SDK1: variants seen among roughly 807,000 people sequenced by gnomAD.
SDK1 encodes the protein protein sidekick-1.
In SDK1, 157 loss-of-function variants were observed where a neutral mutation model predicts 245.5. The ratio of observed to expected loss-of-function variants is 0.64; its 90% confidence interval spans 0.56 to 0.73. The LOEUF is 0.73. Ranked by LOEUF, SDK1 falls within the 30% of genes least tolerant of loss-of-function variation. The pLI is 0.00. For synonymous variants in SDK1, 1,647 were observed against 1,278.5 expected (o/e 1.29, Z -6.15); for missense variants, 3,583 against 3,002.3 (o/e 1.19, Z -4.52).
intron 5 of SDK1, among the ~76,000 whole-genome samples, chr7:3,843,299 C>T (rs1332924556): frequency 6.6e-6 from 1 of 152,214 alleles, no homozygotes; most frequent in Non-Finnish European, 1.5e-5. Flanking sequence ...ATGGCTTTGT[C>T]TATGTGAGTG....
rs73673250 is a variant in SDK1, at chr7:4,024,779, T to A, written c.2602+7427T>A. 5.6e-3 allele frequency among the ~76,000 whole-genome samples: 858 copies of A among 152,348 alleles called. 5 individuals are homozygous for A. The highest frequency in any genetic ancestry group is 0.019 in the African/African-American group (809 of 41,584). The stretch of plus-strand genomic sequence containing the variant: ...GAGCCGAAACTTAAGTCTGCTGGGC[T>A]CCCAAGCCCAGGCTATCATCTGCCA... On this transcript the variant is annotated intron_variant, in intron 17 of 44. Coordinates refer to ENST00000404826, the MANE Select transcript of SDK1 (RefSeq NM_152744.4).
intron 1 of SDK1, among the ~76,000 whole-genome samples, chr7:3,373,797 ATTCAGTGTACAAAC>A (rs1310752783): frequency 6.6e-6 from 1 of 152,204 alleles, no homozygotes. Context: ...TTGTTCACAA[ATTCAGTGTACAAAC>A]TTCAGTAGCT....
intron 1 of SDK1, among the ~76,000 whole-genome samples, chr7:3,460,831 C>G (rs533359171): frequency 6.6e-6 from 1 of 152,246 alleles, no homozygotes; most frequent in South Asian, 2.1e-4. Flanking sequence ...TTAGGTTATT[C>G]ATATTTCCTG....
chr7:3,465,374 A>G (rs1163596515), intron 1 of SDK1, among the ~76,000 whole-genome samples: 1 of 152,236 alleles, frequency 6.6e-6, no homozygotes, highest in Non-Finnish European at 1.5e-5. Context: ...AAAAATGAGA[A>G]GAAATAGGCA....
In SDK1 at chr7:3,341,083, T is replaced by C. The variant is rs548372520; in HGVS notation, c.298+39199T>C. On this transcript the variant is annotated intron_variant, in intron 1 of 44. Coordinates refer to ENST00000404826, the MANE Select transcript of SDK1 (RefSeq NM_152744.4). ...AGACAGCAAAAAAGAAACTCCACAG[T>C]TCAGTATCGCTCATGAACTTAAAGG... Among the ~76,000 whole-genome samples, 15 of 152,204 alleles carry C rather than the reference T, an allele frequency of 9.9e-5. No individual in the cohort carries two copies. The South Asian group carries it at 2.3e-3, about 23-fold the overall frequency.
intron 1 of SDK1, among the ~76,000 whole-genome samples, chr7:3,498,131 A>G (rs1782082064): frequency 6.6e-6 from 1 of 152,220 alleles, no homozygotes; most frequent in East Asian, 1.9e-4. Flanking sequence ...CTTAAAACTA[A>G]TTTGGGCCTC....
At chr7:3,438,808 A>C (rs146135074) in intron 1 of SDK1, among the ~76,000 whole-genome samples, 276 of 148,996 alleles carry the variant, frequency 1.9e-3, no homozygotes, top group Non-Finnish European at 3.5e-3. Flanking sequence ...ACTAAGTTCC[A>C]TCATTGGCAG....
At chr7:4,017,761 GT>G (rs1786532932) in intron 17 of SDK1, among the ~76,000 whole-genome samples, 1 of 152,168 alleles carries the variant, frequency 6.6e-6, no homozygotes, top group Non-Finnish European at 1.5e-5. Flanking sequence ...TTTTAACGAC[GT>G]AACGTGATTA....
intron 5 of SDK1, among the ~76,000 whole-genome samples, chr7:3,907,763 T>A (rs1254899932): frequency 1.3e-5 from 2 of 152,140 alleles, no homozygotes; most frequent in Non-Finnish European, 2.9e-5. Flanking sequence ...CCCTCATCTG[T>A]TTAGGTTAAC....
intron 1 of SDK1, among the ~76,000 whole-genome samples, chr7:3,330,054 G>A (rs1054433101): frequency 6.6e-6 from 1 of 152,166 alleles, no homozygotes. Flanking sequence ...TGGCTAAATA[G>A]TATTTCATTG....
At position 3,301,904 on chromosome 7, in the gene SDK1, C is replaced by T. The variant is rs1779274839; in HGVS notation, c.298+20C>T. ...CGCAAGGTAGGTGCGCGCGGGGTCG[C>T]GGGCCGGGGGCGTCGCCTCGGGGCG... On this transcript the variant is annotated intron_variant, in intron 1 of 44. Transcript: ENST00000404826. 5 of 1,133,634 alleles carry T rather than the reference C, an allele frequency of 4.4e-6. No individual in the cohort carries two copies. Among genetic ancestry groups the T allele is most frequent in the Non-Finnish European group, 3.2e-6 (3 of 924,888 alleles). The allele number at this position is 1,133,634 out of a possible 1,614,324, so 70.2% of individuals were successfully genotyped here.
At chr7:3,309,974 C>T (rs1267021871) in intron 1 of SDK1, among the ~76,000 whole-genome samples, 4 of 152,100 alleles carry the variant, frequency 2.6e-5, no homozygotes, top group Non-Finnish European at 4.4e-5. Context: ...TGTAGGAGTC[C>T]TGGGGTATCA....
At chr7:4,112,203 G>A (rs369819208) in intron 23 of SDK1, among the ~76,000 whole-genome samples, 1 of 152,170 alleles carries the variant, frequency 6.6e-6, no homozygotes, top group African/African-American at 2.4e-5. Flanking sequence ...AGGCAGGAAA[G>A]CTTGAAGCAA....
At chr7:3,819,111 C>G (rs1328186173) in intron 4 of SDK1, among the ~76,000 whole-genome samples, 1 of 152,116 alleles carries the variant, frequency 6.6e-6, no homozygotes, top group Non-Finnish European at 1.5e-5. Flanking sequence ...AAGTCAGTCT[C>G]TTGTAGAAAT....
intron 14 of SDK1, among the ~76,000 whole-genome samples, chr7:3,995,064 G>GGGGATTCTAGGCA (rs1226247119): frequency 6.6e-6 from 1 of 152,160 alleles, no homozygotes; most frequent in African/African-American, 2.4e-5. Context: ...TCCCTGAAGA[G>GGGGATTCTAGGCA]GGGATTCTAG....
intron 4 of SDK1, among the ~76,000 whole-genome samples, chr7:3,765,762 C>A (rs937448180): frequency 6.6e-6 from 1 of 152,062 alleles, no homozygotes; most frequent in Non-Finnish European, 1.5e-5. Context: ...ACTGTTAGGG[C>A]ATTATATTGA....
intron 1 of SDK1, among the ~76,000 whole-genome samples, chr7:3,419,830 G>A (rs1309043486): frequency 1.3e-5 from 2 of 152,156 alleles, no homozygotes; most frequent in African/African-American, 4.8e-5. Context: ...ACAAAACTAA[G>A]CTTAGTATGG....
intron 4 of SDK1, among the ~76,000 whole-genome samples, chr7:3,726,710 G>T (rs188385704): frequency 1.3e-5 from 2 of 152,184 alleles, no homozygotes; most frequent in Non-Finnish European, 2.9e-5. Flanking sequence ...ATATAATCGG[G>T]AGCTGGGAGA....
At chr7:3,388,080 G>A (rs556648280) in intron 1 of SDK1, among the ~76,000 whole-genome samples, 1 of 152,166 alleles carries the variant, frequency 6.6e-6, no homozygotes, top group African/African-American at 2.4e-5. Flanking sequence ...GGCACTCTGG[G>A]AATCTGGAGA....
Sources: allele counts gnomAD v4.1 joint callset (sites outside exome capture counted in the v4.1 genomes callset), GRCh38; gene constraint gnomAD v4.1.1; transcripts MANE v1.5; gene names NCBI Gene and HGNC (gene_info 2026-07-23, HGNC 2026-07-21).